Variants in MPRIP observed in about 807,000 individuals in gnomAD.
MPRIP encodes the protein myosin phosphatase Rho-interacting protein.
Under a neutral mutation model 234.9 loss-of-function variants are expected in MPRIP, and 59 were observed. The ratio of observed to expected loss-of-function variants is 0.25; its 90% confidence interval spans 0.20 to 0.31. MPRIP has a LOEUF of 0.31. Ranked by LOEUF, MPRIP falls within the 10% of genes least tolerant of loss-of-function variation. The pLI, the probability that MPRIP is intolerant of heterozygous loss-of-function variation, is 1.00. For missense variants in MPRIP, 2,436 were observed against 3,071.0 expected (o/e 0.79, Z 4.89); for synonymous variants, 1,144 against 1,263.9 (o/e 0.91, Z 2.01).
chr17:17,106,291 G>A (rs2090061685), intron 3 of MPRIP, among the ~76,000 whole-genome samples: 1 of 152,228 alleles, frequency 6.6e-6, no homozygotes, highest in African/African-American at 2.4e-5. Flanking sequence ...TTTCCAGGGA[G>A]TCTGTGTCTT....
Position 17,128,048 on chromosome 17 carries a change from C to A in MPRIP, c.419+1195C>A, listed in dbSNP as rs142740654. ...CAATCTTAATCCAGAACCATATGAT[C>A]AAGAATGTCAAGGGCCTCTGAAGAA... On this transcript the variant is annotated intron_variant, in intron 4 of 23. Coordinates refer to ENST00000651222, the MANE Select transcript of MPRIP (RefSeq NM_001364716.4). 9.3e-4 allele frequency among the ~76,000 whole-genome samples: 141 copies of A among 152,316 alleles called. 2 individuals are homozygous for A. In the East Asian group the frequency reaches 0.022, roughly 24 times the overall value.
chr17:17,043,406 A>G (rs1597701261), intron 1 of MPRIP, among the ~76,000 whole-genome samples: 1 of 152,040 alleles, frequency 6.6e-6, no homozygotes, highest in East Asian at 1.9e-4. Flanking sequence ...CCCGATTCTG[A>G]ATCATCGTCA....
At position 17,192,253 on chromosome 17, in the gene MPRIP, C is replaced by G. The variant is rs1567794053; in HGVS notation, c.*7359C>G. On this transcript the variant is annotated 3_prime_UTR_variant, in exon 24 of 24. Transcript: ENST00000651222. The stretch of plus-strand genomic sequence containing the variant: ...TCTGTTCTAATGCTAAGTGGTAACG[C>G]TTAACAAACAGACTAAAAGCTGTGT... The G allele has an allele frequency of 6.6e-6, 1 of 152,094 alleles. No individual in the cohort carries two copies. The highest frequency in any genetic ancestry group is 2.4e-5 in the African/African-American group (1 of 41,414). The allele number at this position is 152,094 out of a possible 1,614,324, so 9.4% of individuals were successfully genotyped here. A position where few individuals can be genotyped will look rare whatever the true frequency, so the allele number is the denominator to read the frequency against.
At chr17:17,142,419 G>T (rs3744139) in intron 7 of MPRIP, 329,021 of 552,720 alleles carry the variant, frequency 0.6, 104,578 homozygotes, top group East Asian at 0.65. Flanking sequence ...GCAGAGGGTA[G>T]GGGCAAGCGC....
chr17:17,180,115 G>T (rs1292824625), intron 23 of MPRIP, 27 bp downstream of exon 23: 1 of 1,538,414 alleles, frequency 6.5e-7, no homozygotes, highest in Non-Finnish European at 8.8e-7. Context: ...GCCCCCTGGT[G>T]GGAGGGGCTT....
chr17:17,117,741 G>A (rs2144331947), intron 3 of MPRIP, among the ~76,000 whole-genome samples: 1 of 152,250 alleles, frequency 6.6e-6, no homozygotes, highest in East Asian at 1.9e-4. Context: ...CAACTTGTTG[G>A]GTCATATGGA....
chr17:17,141,920 A>C (rs892465366), intron 7 of MPRIP: 1 of 152,086 alleles, frequency 6.6e-6, no homozygotes, highest in Non-Finnish European at 1.5e-5. Flanking sequence ...TTGCTTCTTT[A>C]ATTCTTTGGA....
In MPRIP at chr17:17,135,573, A is replaced by G. The variant is rs185437461; in HGVS notation, c.505-646A>G. On this transcript the variant is annotated intron_variant, in intron 5 of 23. Coordinates refer to ENST00000651222, the MANE Select transcript of MPRIP (RefSeq NM_001364716.4). ...CTGGTTAGTCCAAGATTAAAGTGCT[A>G]GTATTTTGGGTGTCTGGTGAGGGCC... is the stretch of plus-strand genomic sequence containing the variant. 4.6e-4 allele frequency among the ~76,000 whole-genome samples: 70 copies of G among 152,318 alleles called. 1 individual carries two copies. The highest frequency in any genetic ancestry group is 1.6e-3 in the African/African-American group (67 of 41,580).
intron 3 of MPRIP, among the ~76,000 whole-genome samples, chr17:17,094,156 G>T (rs2089785858): frequency 6.6e-6 from 1 of 151,650 alleles, no homozygotes; most frequent in East Asian, 1.9e-4. Flanking sequence ...TTGGTTTTTG[G>T]TTTACTTCAC....
intron 1 of MPRIP, among the ~76,000 whole-genome samples, chr17:17,074,016 G>A (rs990409537): frequency 1.3e-5 from 2 of 152,226 alleles, no homozygotes; most frequent in Non-Finnish European, 2.9e-5. Flanking sequence ...CCTGCAGGCG[G>A]AAGCCAAGTA....
intron 23 of MPRIP, among the ~76,000 whole-genome samples, chr17:17,183,449 A>G (rs889102836): frequency 1.2e-4 from 19 of 152,106 alleles, no homozygotes; most frequent in Admixed American, 1.0e-3. Flanking sequence ...ATCTCCTGAC[A>G]TCGTGATCTG....
intron 3 of MPRIP, among the ~76,000 whole-genome samples, chr17:17,111,752 C>G (rs1464942056): frequency 6.6e-6 from 1 of 152,208 alleles, no homozygotes; most frequent in Non-Finnish European, 1.5e-5. Context: ...AGCAGGCAGT[C>G]TCCTACCTTC....
At chr17:17,174,558 C>A (rs563802469) in intron 19 of MPRIP, among the ~76,000 whole-genome samples, 11 of 152,238 alleles carry the variant, frequency 7.2e-5, no homozygotes, top group African/African-American at 2.6e-4. Flanking sequence ...TTGCTCTGTC[C>A]GGGCGCGGTG....
intron 14 of MPRIP, among the ~76,000 whole-genome samples, chr17:17,160,055 G>T (rs1455690260): frequency 6.6e-6 from 1 of 152,206 alleles, no homozygotes. Flanking sequence ...CAATCTGGGG[G>T]GTCAGTCTTC....
intron 3 of MPRIP, among the ~76,000 whole-genome samples, chr17:17,080,368 C>T (rs1461560630): frequency 3.3e-5 from 5 of 152,240 alleles, no homozygotes; most frequent in East Asian, 1.9e-4. Context: ...TCCAGCTTAA[C>T]GGTCAACCGC....
chr17:17,186,440 G>A lies in MPRIP; in HGVS notation c.*1546G>A, dbSNP rs775016343. 2.0e-5 allele frequency: 3 copies of A among 152,124 alleles called. No individual in the cohort carries two copies. The highest frequency in any genetic ancestry group is 4.4e-5 in the Non-Finnish European group (3 of 68,024). 9.4% of individuals were successfully genotyped at this position (152,124 alleles called of 1,614,324 possible). On this transcript the variant is annotated 3_prime_UTR_variant, in exon 24 of 24. Coordinates refer to ENST00000651222, the MANE Select transcript of MPRIP (RefSeq NM_001364716.4). ...GCTCTCTTCTCACTGAAATAACTAAGTGCTCTCCACTGGCATCGAGCCCTT... is the reference window on the plus strand; with the variant it reads ...GCTCTCTTCTCACTGAAATAACTAAATGCTCTCCACTGGCATCGAGCCCTT...
At chr17:17,086,110 C>G (rs2089584762) in intron 3 of MPRIP, among the ~76,000 whole-genome samples, 1 of 152,142 alleles carries the variant, frequency 6.6e-6, no homozygotes, top group Admixed American at 6.5e-5. Flanking sequence ...AAGCTCTTTG[C>G]CAGTGGTGAC....
At chr17:17,111,620 C>T (rs1231633222) in intron 3 of MPRIP, among the ~76,000 whole-genome samples, 2 of 152,202 alleles carry the variant, frequency 1.3e-5, no homozygotes, top group Admixed American at 6.5e-5. Context: ...GTGAAGCCAG[C>T]GTCCCTCTTG....
chr17:17,190,134 A>G lies in MPRIP; in HGVS notation c.*5240A>G, dbSNP rs1467314045. 1.3e-5 allele frequency: 2 copies of G among 152,250 alleles called. No homozygotes were observed. Among genetic ancestry groups the G allele is most frequent in the African/African-American group, 4.8e-5 (2 of 41,454 alleles). The allele number at this position is 152,250 out of a possible 1,614,324, so 9.4% of individuals were successfully genotyped here. ...CACGGACTTCAGGCTTGGAGGTGCC[A>G]TATACAAGCACACTTCTTCCTTCCC... is the stretch of plus-strand genomic sequence containing the variant. On this transcript the variant is annotated 3_prime_UTR_variant, in exon 24 of 24. Coordinates refer to ENST00000651222, the MANE Select transcript of MPRIP (RefSeq NM_001364716.4).
Sources: gnomAD v4.1 joint callset for allele counts (sites outside exome capture counted in the v4.1 genomes callset) on GRCh38, gnomAD v4.1.1 for gene constraint, MANE v1.5 for transcripts, NCBI Gene and HGNC (gene_info 2026-07-23, HGNC 2026-07-21) for gene names.